The following PSD2 variants were observed in gnomAD, a reference collection of about 807,000 sequenced individuals.
The protein encoded by PSD2 is pleckstrin and Sec7 domain containing 2.
In PSD2, 38 loss-of-function variants were observed where a neutral mutation model predicts 69.8. That is an observed-to-expected ratio of 0.54 (90% CI 0.42 to 0.71). The LOEUF is 0.71. Among genes scored for constraint, PSD2 ranks in the 30% least tolerant of loss-of-function variants. The probability of loss-of-function intolerance (pLI) is 0.00; values close to 1 mark genes in which losing one functional copy is unlikely to be tolerated. For synonymous variants in PSD2, 412 were observed against 423.0 expected (o/e 0.97, Z 0.32); for missense variants, 943 against 1,014.5 (o/e 0.93, Z 0.96).
At chr5:139,829,266 A>C (rs1760507783) in intron 7 of PSD2, among the ~76,000 whole-genome samples, 1 of 152,220 alleles carries the variant, frequency 6.6e-6, no homozygotes, top group Admixed American at 6.5e-5. Context: ...TGTTGGTTAC[A>C]ATGTTCTATA....
At chr5:139,828,469 G>A (rs904626998) in intron 7 of PSD2, among the ~76,000 whole-genome samples, 3 of 152,196 alleles carry the variant, frequency 2.0e-5, no homozygotes, top group Non-Finnish European at 4.4e-5. Context: ...CCAGGGGTTT[G>A]GATGCTATCC....
Position 139,840,038 on chromosome 5 carries a change from G to A in PSD2, c.1980G>A (p.Leu660=). The change falls in exon 14 of 15, where the codon CTG becomes CTA. Residue 660 remains leucine (L), a synonymous_variant. Transcript: ENST00000274710. The part of the protein sequence containing the change: ...CTTRLCQEEQ[L]RSHENKLRQL... The stretch of plus-strand genomic sequence containing the variant: ...ATTTGTCTTTGCAGGAGGAGCAACT[G>A]CGGTCTCATGAGAATAAGTTGAGGC... 6.2e-7 allele frequency: 1 copy of A among 1,614,228 alleles called. No individual in the cohort carries two copies. Among genetic ancestry groups the A allele is most frequent in the Non-Finnish European group, 8.5e-7 (1 of 1,180,050 alleles).
the PSD2 span, among the ~76,000 whole-genome samples, chr5:139,753,397 C>G: frequency 6.6e-6 from 1 of 152,198 alleles, no homozygotes; most frequent in Non-Finnish European, 1.5e-5. Flanking sequence ...TCCCTCCCAG[C>G]TGTCCCCATG....
intron 1 of PSD2, among the ~76,000 whole-genome samples, chr5:139,798,621 C>T (rs892152402): frequency 6.6e-6 from 1 of 152,184 alleles, no homozygotes; most frequent in African/African-American, 2.4e-5. Context: ...CCTAGATTTG[C>T]CAGTTGTTAA....
intron 1 of PSD2, among the ~76,000 whole-genome samples, chr5:139,803,663 G>C (rs1223109260): frequency 6.6e-6 from 1 of 152,248 alleles, no homozygotes; most frequent in Non-Finnish European, 1.5e-5. Flanking sequence ...GACTGTCCCA[G>C]TCTGAGGCCC....
intron 5 of PSD2, among the ~76,000 whole-genome samples, chr5:139,820,499 G>A (rs1038442147): frequency 4.6e-5 from 7 of 152,152 alleles, no homozygotes; most frequent in Non-Finnish European, 8.8e-5. Flanking sequence ...GCACCTCAGA[G>A]TGTAAGGGCT....
the PSD2 span, among the ~76,000 whole-genome samples, chr5:139,757,055 G>C: frequency 1.3e-5 from 2 of 152,210 alleles, no homozygotes; most frequent in African/African-American, 4.8e-5. Flanking sequence ...CAAGGTCCAG[G>C]GTAGTGAGGG....
Position 139,842,440 on chromosome 5 carries a change from A to G in PSD2, c.2282A>G (p.Lys761Arg). 1 of 1,614,134 alleles carries G rather than the reference A, an allele frequency of 6.2e-7. No homozygotes were observed. The highest frequency in any genetic ancestry group is 8.5e-7 in the Non-Finnish European group (1 of 1,179,996). The change falls in exon 15 of 15, where the codon AAA becomes AGA. Residue 761 changes from lysine (K) to arginine (R), a missense_variant. By Grantham distance (26) the Lys-to-Arg change is conservative. Transcript: ENST00000274710. Reference sequence around the variant, plus strand: ...AGCCAGGGCCATGTGACTGGCAGCAAAACCACAAAGGATGCCACTGGGCCT... The same window carrying G: ...AGCCAGGGCCATGTGACTGGCAGCAGAACCACAAAGGATGCCACTGGGCCT... ...ALSQGHVTGS[K>R]TTKDATGPDT is the part of the protein sequence containing the mutation.
At position 139,843,500 on chromosome 5, in the gene PSD2, G is replaced by C. The variant is rs17286536; in HGVS notation, c.*1026G>C. ...GCTGCCAGGTCTCTGAGCTCCAGAG[G>C]TGGCCTCTTGGACAGATCTACTGCT... On this transcript the variant is annotated 3_prime_UTR_variant, in exon 15 of 15. Transcript: ENST00000274710. The C allele has an allele frequency of 6.6e-6, 1 of 152,144 alleles. No individual in the cohort carries two copies. The highest frequency in any genetic ancestry group is 2.4e-5 in the African/African-American group (1 of 41,410). The allele number at this position is 152,144 out of a possible 1,614,324, so 9.4% of individuals were successfully genotyped here.
chr5:139,766,828 C>CTTCTCTCTCTCTTTCTTTCT, the PSD2 span, among the ~76,000 whole-genome samples: 6 of 87,736 alleles, frequency 6.8e-5, no homozygotes, highest in African/African-American at 2.1e-4. Flanking sequence ...AAGTCCCTTC[C>CTTCTCTCTCTCTTTCTTTCT]TTCTTTCTTT....
chr5:139,802,856 AG>A (rs1759710193), intron 1 of PSD2, among the ~76,000 whole-genome samples: 2 of 152,176 alleles, frequency 1.3e-5, no homozygotes, highest in African/African-American at 2.4e-5. Flanking sequence ...TTGTGGAGCA[AG>A]CTCCAAGGGC....
rs1290676422 is a variant in PSD2, at chr5:139,814,480, A to C, written c.1016+116A>C. On this transcript the variant is annotated intron_variant, in intron 4 of 14. Transcript: ENST00000274710. This position sits in a 1 kb window ranked among gnomAD's most constrained non-coding sequence, Gnocchi z 4.4. ...CAGGTGCTGGGGGGGCACTCCCAAC[A>C]GTTCCCCAAGGACACCTCCTCCCGC... The C allele has an allele frequency of 1.1e-6, 1 of 903,914 alleles. No homozygotes were observed. The highest frequency in any genetic ancestry group is 1.6e-6 in the Non-Finnish European group (1 of 627,268). 56.0% of individuals were successfully genotyped at this position (903,914 alleles called of 1,614,324 possible). A position where few individuals can be genotyped will look rare whatever the true frequency, so the allele number is the denominator to read the frequency against.
At chr5:139,801,195 A>C (rs1581708885) in intron 1 of PSD2, among the ~76,000 whole-genome samples, 10 of 133,042 alleles carry the variant, frequency 7.5e-5, no homozygotes, top group South Asian at 2.6e-4. Flanking sequence ...ACAGAGAGAG[A>C]CTCCATCTCA....
chr5:139,821,797 G>A (rs7701014), intron 5 of PSD2, 96 bp from the exon 6 acceptor site: 150,728 of 650,022 alleles, frequency 0.23, 18,127 homozygotes, highest in African/African-American at 0.29. Context: ...CTGGAGCCCT[G>A]GCCCCCTAGA....
At chr5:139,825,720 C>T (rs892996911) in intron 7 of PSD2, among the ~76,000 whole-genome samples, 2 of 151,896 alleles carry the variant, frequency 1.3e-5, no homozygotes, top group African/African-American at 4.8e-5. Context: ...ACTTGAGTCC[C>T]GATTTTGACC....
intron 8 of PSD2, among the ~76,000 whole-genome samples, chr5:139,835,487 A>G (rs1241381583): frequency 6.6e-6 from 1 of 152,188 alleles, no homozygotes; most frequent in South Asian, 2.1e-4. Flanking sequence ...GACCTTGTGA[A>G]GCTTACAGTC....
At chr5:139,819,627 A>G (rs1345214625) in intron 5 of PSD2, among the ~76,000 whole-genome samples, 2 of 152,124 alleles carry the variant, frequency 1.3e-5, no homozygotes, top group Non-Finnish European at 2.9e-5. Flanking sequence ...AGAAGGTCAA[A>G]CTACCTTCCC....
Position 139,837,096 on chromosome 5 carries a change from C to A in PSD2, c.1595-72C>A. 2 of 1,597,336 alleles carry A rather than the reference C, an allele frequency of 1.3e-6. No individual in the cohort carries two copies. Among genetic ancestry groups the A allele is most frequent in the Non-Finnish European group, 1.7e-6 (2 of 1,167,838 alleles). ...TTGGGGACGAACATACAGGTGGACACGTAGTGGGAGGTGGGGTTGGAGAGA... is the reference window on the plus strand; with the variant it reads ...TTGGGGACGAACATACAGGTGGACAAGTAGTGGGAGGTGGGGTTGGAGAGA... On this transcript the variant is annotated intron_variant, in intron 10 of 14. Coordinates refer to ENST00000274710, the MANE Select transcript of PSD2 (RefSeq NM_032289.4). This position sits in a 1 kb window ranked among gnomAD's most constrained non-coding sequence, Gnocchi z 5.0.
intron 1 of PSD2, among the ~76,000 whole-genome samples, chr5:139,800,700 C>T (rs1425151217): frequency 1.3e-5 from 2 of 152,192 alleles, no homozygotes; most frequent in African/African-American, 4.8e-5. Context: ...TGTCTGCCAG[C>T]GTCTGCACTC....
Sources: gnomAD v4.1 joint callset for allele counts (sites outside exome capture counted in the v4.1 genomes callset) on GRCh38, gnomAD v4.1.1 for gene constraint, Gnocchi (gnomAD v3.1) non-coding constraint, MANE v1.5 for transcripts, NCBI Gene and HGNC (gene_info 2026-07-23, HGNC 2026-07-21) for gene names.